Variants in DOCK1 observed in about 807,000 individuals in gnomAD.
DOCK1 encodes dedicator of cytokinesis 1.
Under a neutral mutation model 262.7 loss-of-function variants are expected in DOCK1, and 138 were observed. That is an observed-to-expected ratio of 0.53 (90% CI 0.46 to 0.61). DOCK1 has a LOEUF of 0.61. Among genes scored for constraint, DOCK1 ranks in the 20% least tolerant of loss-of-function variants. The probability of loss-of-function intolerance (pLI) is 0.00; values close to 1 mark genes in which losing one functional copy is unlikely to be tolerated. For synonymous variants in DOCK1, 866 were observed against 867.4 expected (o/e 1.00, Z 0.03); for missense variants, 1,908 against 2,370.7 (o/e 0.80, Z 4.05).
intron 1 of DOCK1, among the ~76,000 whole-genome samples, chr10:126,934,746 A>AG (rs1221416126): frequency 1.9e-5 from 2 of 104,226 alleles, no homozygotes; most frequent in African/African-American, 4.5e-5. Context: ...GGAATTTACG[A>AG]GTTTTTTTTT....
intron 29 of DOCK1, among the ~76,000 whole-genome samples, chr10:127,259,668 T>G (rs1219142745): frequency 6.6e-6 from 1 of 152,176 alleles, no homozygotes; most frequent in Non-Finnish European, 1.5e-5. Context: ...TCCGTGGCCC[T>G]GGGTGAGCAC....
At chr10:127,230,766 GTTTTTTGT>G (rs538475424) in intron 27 of DOCK1, among the ~76,000 whole-genome samples, 4,159 of 151,284 alleles carry the variant, frequency 0.027, 65 homozygotes, top group Middle Eastern at 0.041. Flanking sequence ...TGTTTTTTTT[GTTTTTTGT>G]TTTTTTGTTT....
intron 23 of DOCK1, among the ~76,000 whole-genome samples, chr10:127,097,437 G>A (rs2047978211): frequency 6.6e-6 from 1 of 152,184 alleles, no homozygotes; most frequent in African/African-American, 2.4e-5. Flanking sequence ...ATCTTTCTGT[G>A]GCTTGCTGGC....
At chr10:127,355,151 C>CAGG (rs11269838) in intron 32 of DOCK1, among the ~76,000 whole-genome samples, 88,390 of 151,934 alleles carry the variant, frequency 0.58, 26,963 homozygotes, top group African/African-American at 0.76. Flanking sequence ...CCAGATCTAC[C>CAGG]TGGTGGCAGC....
chr10:127,176,481 C>G lies in DOCK1; in HGVS notation c.2847+48717C>G, dbSNP rs1589788895. 6.1e-6 allele frequency: 7 copies of G among 1,140,026 alleles called. No individual in the cohort carries two copies. In the East Asian group the frequency reaches 1.4e-4, roughly 23 times the overall value. The allele number at this position is 1,140,026 out of a possible 1,614,324, so 70.6% of individuals were successfully genotyped here. A position where few individuals can be genotyped will look rare whatever the true frequency, so the allele number is the denominator to read the frequency against. On this transcript the variant is annotated intron_variant, in intron 27 of 51. Coordinates refer to ENST00000623213, the MANE Select transcript of DOCK1 (RefSeq NM_001290223.2). The surrounding 1 kb of genome is among the most constrained non-coding windows in gnomAD (Gnocchi z 4.4). ...ACCGGCCGCACAAACTTTTAGCCACCACGACGACTGCCTGTTTCCTAATTA... is the reference window on the plus strand; with the variant it reads ...ACCGGCCGCACAAACTTTTAGCCACGACGACGACTGCCTGTTTCCTAATTA...
At chr10:127,030,694 T>C (rs144566267) in intron 16 of DOCK1, among the ~76,000 whole-genome samples, 1 of 152,308 alleles carries the variant, frequency 6.6e-6, no homozygotes, top group Non-Finnish European at 1.5e-5. Flanking sequence ...TACTAGGAAA[T>C]GGCAGTAAAA....
At chr10:127,112,730 G>A (rs187220628) in intron 25 of DOCK1, among the ~76,000 whole-genome samples, 3 of 152,302 alleles carry the variant, frequency 2.0e-5, no homozygotes, top group African/African-American at 7.2e-5. Flanking sequence ...TTAGCCCGAA[G>A]CTTCGTGTCT....
intron 32 of DOCK1, among the ~76,000 whole-genome samples, chr10:127,356,667 G>A (rs1028614530): frequency 6.6e-6 from 1 of 152,028 alleles, no homozygotes; most frequent in African/African-American, 2.4e-5. Flanking sequence ...ATGGAGGGGG[G>A]CTGTTCTCTG....
chr10:127,030,711 G>T (rs2043176709), intron 16 of DOCK1, among the ~76,000 whole-genome samples: 1 of 152,166 alleles, frequency 6.6e-6, no homozygotes, highest in East Asian at 1.9e-4. Flanking sequence ...AAAACAAAAG[G>T]TCACTTACAT....
At chr10:127,394,781 T>C (rs2066719510) in intron 38 of DOCK1, among the ~76,000 whole-genome samples, 1 of 152,190 alleles carries the variant, frequency 6.6e-6, no homozygotes, top group Admixed American at 6.5e-5. Flanking sequence ...GCCCACAGTG[T>C]GCCCAGTGCC....
At chr10:126,970,368 T>C (rs1409799352) in intron 1 of DOCK1, among the ~76,000 whole-genome samples, 3 of 152,212 alleles carry the variant, frequency 2.0e-5, no homozygotes, top group Non-Finnish European at 2.9e-5. Flanking sequence ...ATTCACTCCA[T>C]GTGCAATTGA....
Position 127,165,906 on chromosome 10 carries a change from T to G in DOCK1, c.2847+38142T>G, listed in dbSNP as rs2054026400. On this transcript the variant is annotated intron_variant, in intron 27 of 51. Coordinates refer to ENST00000623213, the MANE Select transcript of DOCK1 (RefSeq NM_001290223.2). ...TCTCAATGAGGGGATCTCTGCTGTC[T>G]CTAGCACCGGAAAGATGCTTTCTCC... Among the ~76,000 whole-genome samples, 3 of 152,200 alleles carry G rather than the reference T, an allele frequency of 2.0e-5. 1 individual carries two copies. Among genetic ancestry groups the G allele is most frequent in the Admixed American group, 2.0e-4 (3 of 15,284 alleles).
At chr10:127,336,410 C>T (rs2063193353) in intron 29 of DOCK1, among the ~76,000 whole-genome samples, 1 of 151,974 alleles carries the variant, frequency 6.6e-6, no homozygotes, top group African/African-American at 2.4e-5. Context: ...TTTGTCCCGG[C>T]ATTTAAAAAA....
chr10:126,945,718 C>T (rs2134290727), intron 1 of DOCK1, among the ~76,000 whole-genome samples: 1 of 152,306 alleles, frequency 6.6e-6, no homozygotes, highest in Admixed American at 6.5e-5. Context: ...CCTCTTTTTC[C>T]AGTCCCAAGA....
At chr10:127,407,708 A>ATGACT (rs1238972757) in intron 40 of DOCK1, among the ~76,000 whole-genome samples, 31 of 152,142 alleles carry the variant, frequency 2.0e-4, no homozygotes, top group Non-Finnish European at 5.9e-5. Flanking sequence ...CTGTCCAGGA[A>ATGACT]TGACTGCAGA....
intron 5 of DOCK1, among the ~76,000 whole-genome samples, chr10:126,989,072 C>A (rs373397799): frequency 3.5e-3 from 456 of 128,740 alleles, no homozygotes; most frequent in South Asian, 4.5e-3. Context: ...GACCCCTTCT[C>A]AAAAAAAAAA....
intron 27 of DOCK1, among the ~76,000 whole-genome samples, chr10:127,226,012 A>C (rs945301795): frequency 6.7e-6 from 1 of 148,424 alleles, no homozygotes; most frequent in Non-Finnish European, 1.5e-5. Context: ...TGGGAGGCAG[A>C]GGTTGCAGTC....
At chr10:127,343,510 G>T (rs1481614536) in intron 30 of DOCK1, 136 bp from the exon 31 acceptor site, 11 of 715,668 alleles carry the variant, frequency 1.5e-5, no homozygotes, top group Admixed American at 3.0e-5. Flanking sequence ...TTAGCAACAT[G>T]TATAGAGTGA....
At chr10:126,953,511 TTGG>T (rs1199193864) in intron 1 of DOCK1, among the ~76,000 whole-genome samples, 4 of 151,194 alleles carry the variant, frequency 2.6e-5, no homozygotes, top group East Asian at 1.9e-4. Context: ...TTTGGTAATG[TTGG>T]TGGTGGTAGT....
Sources: gnomAD v4.1 joint callset for allele counts (sites outside exome capture counted in the v4.1 genomes callset) on GRCh38, gnomAD v4.1.1 for gene constraint, Gnocchi (gnomAD v3.1) non-coding constraint, MANE v1.5 for transcripts, NCBI Gene and HGNC (gene_info 2026-07-23, HGNC 2026-07-21) for gene names.